The following PFKP variants were observed in gnomAD, a reference collection of about 807,000 sequenced individuals.
PFKP encodes ATP-dependent 6-phosphofructokinase, platelet type.
In PFKP, 101 loss-of-function variants were observed where a neutral mutation model predicts 94.3. That is an observed-to-expected ratio of 1.07 (90% CI 0.91 to 1.26). The LOEUF (loss-of-function observed/expected upper bound fraction) is 1.26, where lower values mean the gene tolerates loss of function less well. Among genes scored for constraint, PFKP ranks in the 50% most tolerant of loss-of-function variants. PFKP has a pLI of 0.00. For missense variants in PFKP, 1,145 were observed against 1,103.3 expected, an observed-to-expected ratio of 1.04 and a Z score of -0.53; for synonymous variants, 573 against 432.6, an observed-to-expected ratio of 1.32 and a Z score of -4.03.
chr10:3,096,334 C>T (rs1041474692), intron 2 of PFKP, among the ~76,000 whole-genome samples: 28 of 152,284 alleles, frequency 1.8e-4, no homozygotes, highest in Admixed American at 3.9e-4. Flanking sequence ...TCCTCTTCAG[C>T]AGGGTGGCGG....
intron 4 of PFKP, among the ~76,000 whole-genome samples, 164 bp downstream of exon 4, chr10:3,101,718 C>G (rs377415583): frequency 1.3e-5 from 2 of 152,190 alleles, no homozygotes; most frequent in Admixed American, 6.5e-5. Flanking sequence ...CAGCAATGAT[C>G]GTAAGAATGC....
chr10:3,125,564 G>A (rs969731249), intron 16 of PFKP, among the ~76,000 whole-genome samples: 9 of 152,056 alleles, frequency 5.9e-5, no homozygotes, highest in Admixed American at 1.3e-4. Context: ...TAGTGAGGCT[G>A]CAGGGCCAGC....
At chr10:3,101,938 C>T (rs1028154421) in intron 4 of PFKP, among the ~76,000 whole-genome samples, 1 of 152,174 alleles carries the variant, frequency 6.6e-6, no homozygotes, top group African/African-American at 2.4e-5. Flanking sequence ...TGTGTCCCTC[C>T]AGCTCGCTGG....
Position 3,116,804 on chromosome 10 carries a change from G to T in PFKP, c.1400G>T (p.Gly467Val), listed in dbSNP as rs770242326. 1 of 1,613,930 alleles carries T rather than the reference G, an allele frequency of 6.2e-7. No individual in the cohort carries two copies. The highest frequency in any genetic ancestry group is 8.5e-7 in the Non-Finnish European group (1 of 1,179,772). ...AAAGAAATCGGCTGGACAGATGTCG[G>T]GGGCTGGACCGGCCAAGGAGGCTCC... is the stretch of plus-strand genomic sequence containing the variant. Reference protein sequence around the residue: ...QIKEIGWTDVGGWTGQGGSIL... With the variant: ...QIKEIGWTDVVGWTGQGGSIL... The change falls in exon 14 of 22, where the codon GGG (glycine) becomes GTG (valine). Residue 467 changes from glycine to valine, a missense_variant. Around this residue, in one of 3 missense-constraint regions of PFKP, gnomAD observed 1,119 missense variants for 1,062.8 expected, o/e 1.05. Coordinates refer to ENST00000381125, the MANE Select transcript of PFKP (RefSeq NM_002627.5).
In PFKP at chr10:3,133,229, C is replaced by A. The variant is rs778381550; in HGVS notation, c.1937C>A (p.Thr646Asn). ...LRNESCSENY[T>N]TDFIYQLYSE... is the part of the protein sequence containing the mutation. Reference sequence around the variant, plus strand: ...AATGAGAGCTGCAGTGAAAACTACACCACCGACTTCATTTACCAGCTGTAT... The same window carrying A: ...AATGAGAGCTGCAGTGAAAACTACAACACCGACTTCATTTACCAGCTGTAT... Residue 646 changes from threonine (T) to asparagine (N), a missense_variant, in exon 19 of 22, where the codon ACC (threonine) becomes AAC (asparagine). By Grantham distance (65) the Thr-to-Asn change is moderately conservative (BLOSUM62 0). This residue lies in a region of PFKP where 1,119 missense variants were observed against 1,062.8 expected (regional missense o/e 1.05). Coordinates refer to ENST00000381125, the MANE Select transcript of PFKP (RefSeq NM_002627.5). 3.7e-6 allele frequency: 6 copies of A among 1,613,962 alleles called. No homozygotes were observed.
At chr10:3,123,945 TGTG>T (rs1324511177) in intron 16 of PFKP, among the ~76,000 whole-genome samples, 1 of 150,366 alleles carries the variant, frequency 6.7e-6, no homozygotes, top group African/African-American at 2.4e-5. Context: ...CAGCTCACCT[TGTG>T]GTCACCCAGC....
At chr10:3,072,958 A>G (rs778510928) in intron 1 of PFKP, among the ~76,000 whole-genome samples, 4 of 151,956 alleles carry the variant, frequency 2.6e-5, no homozygotes, top group Non-Finnish European at 5.9e-5. Context: ...TCTTTTCCAC[A>G]AGCCCTTTCT....
In PFKP at chr10:3,109,499, G is replaced by T; in HGVS notation, c.1089+19G>T. 6.2e-7 allele frequency: 1 copy of T among 1,600,132 alleles called. No individual in the cohort carries two copies. Among genetic ancestry groups the T allele is most frequent in the Non-Finnish European group, 8.5e-7 (1 of 1,179,072 alleles). ...GCAGATGGTGAGTGGGCAGCCCATG[G>T]CCAAGGGCAGGGCGGAGACGGCTGG... On this transcript the variant is annotated intron_variant, in intron 10 of 21. Transcript: ENST00000381125.
rs113997724 is a variant in PFKP, at chr10:3,132,191, C to T, written c.1849-189C>T. On this transcript the variant is annotated intron_variant, in intron 17 of 21. Coordinates refer to ENST00000381125, the MANE Select transcript of PFKP (RefSeq NM_002627.5). ...GCTGCTCACCGTGCCCTGTCCTCAG[C>T]GTTCATCGCTGCAGACGTGTCCTCC... Among the ~76,000 whole-genome samples, 778 of 152,312 alleles carry T rather than the reference C, an allele frequency of 5.1e-3. 3 individuals carry two copies. The highest frequency in any genetic ancestry group is 0.018 in the African/African-American group (734 of 41,572).
chr10:3,128,944 C>T (rs2279209), intron 16 of PFKP: 3,676 of 152,422 alleles, frequency 0.024, 146 homozygotes, highest in East Asian at 0.15. Flanking sequence ...CAGGCGGGGC[C>T]GGGGATTCCC....
chr10:3,083,670 C>G (rs1368303605), intron 2 of PFKP, among the ~76,000 whole-genome samples: 1 of 151,884 alleles, frequency 6.6e-6, no homozygotes, highest in Non-Finnish European at 1.5e-5. Context: ...TGAGAAAAAT[C>G]TCACTTTTGT....
chr10:3,088,072 T>C (rs1833755942), intron 2 of PFKP, among the ~76,000 whole-genome samples: 2 of 149,288 alleles, frequency 1.3e-5, no homozygotes, highest in Admixed American at 6.7e-5. Context: ...TGTATACATG[T>C]GCCATGTTGG....
chr10:3,103,544 G>C (rs772212721), intron 4 of PFKP, among the ~76,000 whole-genome samples: 1 of 152,160 alleles, frequency 6.6e-6, no homozygotes, highest in Non-Finnish European at 1.5e-5. Flanking sequence ...CAGAAGGATC[G>C]CCTGAGCCCA....
At chr10:3,136,315 GCTT>G in intron 21 of PFKP, 132 bp from the exon 22 acceptor site, 1 of 770,300 alleles carries the variant, frequency 1.3e-6, no homozygotes, top group Non-Finnish European at 2.1e-6. Context: ...CCTGAAATTG[GCTT>G]TATCATCTAG....
intron 16 of PFKP, among the ~76,000 whole-genome samples, chr10:3,121,395 C>T (rs1837386786): frequency 6.6e-6 from 1 of 152,152 alleles, no homozygotes; most frequent in Admixed American, 6.5e-5. Flanking sequence ...TGCTCTTTCG[C>T]CTGCTTTAGC....
chr10:3,074,395 A>G (rs971296286), intron 1 of PFKP, among the ~76,000 whole-genome samples: 1 of 152,128 alleles, frequency 6.6e-6, no homozygotes, highest in Non-Finnish European at 1.5e-5. Context: ...AGAGTGGCCC[A>G]GTGGAGGACT....
intron 1 of PFKP, among the ~76,000 whole-genome samples, chr10:3,080,145 T>C (rs2131409078): frequency 6.6e-6 from 1 of 152,170 alleles, no homozygotes; most frequent in African/African-American, 2.4e-5. Flanking sequence ...CCCTGGGGCA[T>C]GGCCGGGAGC....
At chr10:3,079,657 C>CGGGGG (rs1456588977) in intron 1 of PFKP, among the ~76,000 whole-genome samples, 9 of 7,788 alleles carry the variant, frequency 1.2e-3, no homozygotes, top group Non-Finnish European at 1.9e-3. Flanking sequence ...CTTCAGAGAG[C>CGGGGG]GGGGTGGGGG....
In PFKP at chr10:3,132,399, C is replaced by T. The variant is rs1411129468; in HGVS notation, c.1868C>T (p.Thr623Met). The T allele has an allele frequency of 1.1e-5, 18 of 1,611,988 alleles. No homozygotes were observed. Among genetic ancestry groups the T allele is most frequent in the African/African-American group, 4.0e-5 (3 of 74,872 alleles). ...RDLQSNVEHLTEKMKTTIQRG... is the reference protein window; with the variant it reads ...RDLQSNVEHLMEKMKTTIQRG... ...TTCCAGTCCAACGTGGAGCACCTGA[C>T]GGAGAAAATGAAGACCACCATCCAG... The change falls in exon 18 of 22, where the codon ACG (threonine) becomes ATG (methionine). Residue 623 changes from threonine (T) to methionine (M), a missense_variant. Physicochemically the swap from Thr to Met is moderately conservative, Grantham distance 81. Transcript: ENST00000381125.
Sources: allele counts gnomAD v4.1 joint callset (sites outside exome capture counted in the v4.1 genomes callset), GRCh38; gene constraint gnomAD v4.1.1; regional missense constraint gnomAD v4.1.1; transcripts MANE v1.5; gene names NCBI Gene and HGNC (gene_info 2026-07-23, HGNC 2026-07-21).